Variants in ZFYVE9 observed in about 807,000 individuals in gnomAD.
ZFYVE9 encodes the protein zinc finger FYVE domain-containing protein 9.
ZFYVE9 carries 43 observed loss-of-function variants against 126.7 expected under a neutral mutation model. The ratio of observed to expected loss-of-function variants is 0.34; its 90% confidence interval spans 0.27 to 0.44. The LOEUF is 0.44. ZFYVE9 is among the 20% of genes least tolerant of loss of function. The probability of loss-of-function intolerance (pLI) is 1.00; values close to 1 mark genes in which losing one functional copy is unlikely to be tolerated. For synonymous variants in ZFYVE9, 521 were observed against 597.4 expected, an observed-to-expected ratio of 0.87 and a Z score of 1.87; for missense variants, 1,476 against 1,697.0, an observed-to-expected ratio of 0.87 and a Z score of 2.29.
chr1:52,233,666 A>G (rs1645245046), intron 3 of ZFYVE9, among the ~76,000 whole-genome samples: 2 of 152,258 alleles, frequency 1.3e-5, no homozygotes, highest in Non-Finnish European at 2.9e-5. Context: ...AGCTCGTTCT[A>G]TATTGATTGC....
intron 1 of ZFYVE9, among the ~76,000 whole-genome samples, chr1:52,214,003 C>T (rs960867980): frequency 3.3e-5 from 5 of 152,028 alleles, no homozygotes; most frequent in Non-Finnish European, 5.9e-5. Context: ...GTAACTTTCC[C>T]CTTCATCCTG....
chr1:52,301,717 G>T (rs925737194), intron 12 of ZFYVE9, among the ~76,000 whole-genome samples: 71 of 152,254 alleles, frequency 4.7e-4, no homozygotes, highest in African/African-American at 1.7e-3. Flanking sequence ...TGAGCTTTTT[G>T]AATCTATGGG....
Position 52,266,781 on chromosome 1 carries a change from C to T in ZFYVE9, c.2405C>T (p.Pro802Leu). The change falls in exon 6 of 19, where the codon CCT becomes CTT. Residue 802 changes from proline (P) to leucine (L), a missense_variant. Physicochemically the swap from Pro to Leu is moderately conservative, Grantham distance 98. Around this residue, in one of 2 missense-constraint regions of ZFYVE9, gnomAD observed 669 missense variants for 902.4 expected, o/e 0.74. Transcript: ENST00000287727. ...GCCTCAGGAGCTCTGAGCTCTCCAC[C>T]TCCCACTGTGATGGTACCTGTGGGA... ...AQASGALSSP[P>L]PTVMVPVGVL... 1 of 1,611,242 alleles carries T rather than the reference C, an allele frequency of 6.2e-7. No homozygotes were observed.
intron 13 of ZFYVE9, among the ~76,000 whole-genome samples, chr1:52,322,807 CT>C (rs1204659590): frequency 1.3e-5 from 2 of 150,832 alleles, no homozygotes; most frequent in Non-Finnish European, 3.0e-5. Flanking sequence ...TCTGTGATCT[CT>C]TTTTTTCTTT....
At chr1:52,309,994 T>C (rs920420235) in intron 13 of ZFYVE9, among the ~76,000 whole-genome samples, 5 of 152,158 alleles carry the variant, frequency 3.3e-5, no homozygotes, top group African/African-American at 1.2e-4. Flanking sequence ...GACAGAGTCT[T>C]GCTCTCGCTC....
intron 13 of ZFYVE9, among the ~76,000 whole-genome samples, chr1:52,330,175 C>T (rs189802418): frequency 3.9e-4 from 60 of 152,282 alleles, no homozygotes; most frequent in Admixed American, 2.2e-3. Flanking sequence ...GTCGGGAGTT[C>T]GAGACCAGCC....
intron 7 of ZFYVE9, 36 bp downstream of exon 7, chr1:52,268,668 T>A: frequency 6.2e-7 from 1 of 1,602,858 alleles, no homozygotes; most frequent in African/African-American, 1.3e-5. Flanking sequence ...ATTGCATAGC[T>A]ACTTTACTCA....
chr1:52,308,639 C>G (rs1304528504), intron 13 of ZFYVE9, among the ~76,000 whole-genome samples: 1 of 152,054 alleles, frequency 6.6e-6, no homozygotes, highest in Non-Finnish European at 1.5e-5. Flanking sequence ...TTCATACTTC[C>G]CCTACTCTTC....
chr1:52,281,961 T>G lies in ZFYVE9; in HGVS notation c.3025+145T>G, dbSNP rs1645809757. The G allele has an allele frequency of 3.5e-6, 3 of 864,950 alleles. No homozygotes were observed. In the South Asian group the frequency reaches 4.8e-5, roughly 14 times the overall value. 53.6% of individuals were successfully genotyped at this position (864,950 alleles called of 1,614,324 possible). A position where few individuals can be genotyped will look rare whatever the true frequency, so the allele number is the denominator to read the frequency against. ...TGGCAAGTTGAAGCTTTCCATGGTT[T>G]GAAGAAATTATAAATTTTAGTATTG... is the stretch of plus-strand genomic sequence containing the variant. On this transcript the variant is annotated intron_variant, in intron 10 of 18. Coordinates refer to ENST00000287727, the MANE Select transcript of ZFYVE9 (RefSeq NM_004799.4).
At chr1:52,258,037 A>G (rs1645539689) in intron 4 of ZFYVE9, among the ~76,000 whole-genome samples, 1 of 152,190 alleles carries the variant, frequency 6.6e-6, no homozygotes, top group Non-Finnish European at 1.5e-5. Context: ...CCAGTCATAC[A>G]TTTATTTATG....
intron 4 of ZFYVE9, among the ~76,000 whole-genome samples, chr1:52,255,957 T>C (rs1177591305): frequency 2.1e-4 from 21 of 101,436 alleles, no homozygotes; most frequent in Admixed American, 1.5e-3. Flanking sequence ...TCTTTTCTTT[T>C]CTTTTCTTTT....
At chr1:52,208,901 G>C (rs1292319782) in intron 1 of ZFYVE9, among the ~76,000 whole-genome samples, 1 of 152,122 alleles carries the variant, frequency 6.6e-6, no homozygotes, top group Non-Finnish European at 1.5e-5. Context: ...AAGTTTTAGT[G>C]GTCCCAGTAC....
At chr1:52,310,479 G>A (rs1431279243) in intron 13 of ZFYVE9, among the ~76,000 whole-genome samples, 3 of 152,028 alleles carry the variant, frequency 2.0e-5, no homozygotes, top group Non-Finnish European at 4.4e-5. Flanking sequence ...TGAGGTGGGA[G>A]GATCACTTGA....
In ZFYVE9 at chr1:52,272,962, G is replaced by A. The variant is rs12044845; in HGVS notation, c.2626-1502G>A. Among the ~76,000 whole-genome samples the A allele has an allele frequency of 5.0e-3, 728 of 146,034 alleles. 27 individuals are homozygous for A. In the East Asian group the frequency reaches 0.098, roughly 20 times the overall value. On this transcript the variant is annotated intron_variant, in intron 7 of 18. Coordinates refer to ENST00000287727, the MANE Select transcript of ZFYVE9 (RefSeq NM_004799.4). The stretch of plus-strand genomic sequence containing the variant: ...CGGGCGTGAGCCACTGTACCCGGCC[G>A]TATGAATATTGTTATACATGTTAAA...
intron 1 of ZFYVE9, among the ~76,000 whole-genome samples, chr1:52,196,193 C>T (rs940119810): frequency 2.0e-5 from 3 of 152,148 alleles, no homozygotes; most frequent in African/African-American, 7.2e-5. Context: ...GTAAATCTTA[C>T]CATATGCCAT....
chr1:52,192,055 AC>A (rs1644821011), intron 1 of ZFYVE9, among the ~76,000 whole-genome samples: 2 of 151,114 alleles, frequency 1.3e-5, no homozygotes, highest in South Asian at 4.2e-4. Flanking sequence ...TAGAACAAGC[AC>A]CTGAAACACA....
At position 52,238,571 on chromosome 1, in the gene ZFYVE9, A is replaced by C; in HGVS notation, c.1154A>C (p.Glu385Ala). 6.2e-7 allele frequency: 1 copy of C among 1,614,108 alleles called. No individual in the cohort carries two copies. Reference sequence around the variant, plus strand: ...CATGAAGAAACTCTTGGCACTACAGAATTCCTTAATATGACAGAGCATTTC... The same window carrying C: ...CATGAAGAAACTCTTGGCACTACAGCATTCCTTAATATGACAGAGCATTTC... ...YEHEETLGTT[E>A]FLNMTEHFSE... Residue 385 changes from glutamate to alanine, a missense_variant, in exon 4 of 19, where the codon GAA (glutamate) becomes GCA (alanine). Physicochemically the swap from Glu to Ala is moderately radical, Grantham distance 107. Transcript: ENST00000287727.
At chr1:52,197,426 A>T (rs1337964616) in intron 1 of ZFYVE9, among the ~76,000 whole-genome samples, 1 of 152,168 alleles carries the variant, frequency 6.6e-6, no homozygotes, top group Non-Finnish European at 1.5e-5. Context: ...CACTCTTTTA[A>T]ATTGGAATTT....
intron 2 of ZFYVE9, among the ~76,000 whole-genome samples, chr1:52,228,240 A>C (rs1205008419): frequency 6.6e-6 from 1 of 152,056 alleles, no homozygotes; most frequent in Non-Finnish European, 1.5e-5. Flanking sequence ...CACCACACCC[A>C]GCGAATTTTT....
Sources: allele counts gnomAD v4.1 joint callset (sites outside exome capture counted in the v4.1 genomes callset), GRCh38; gene constraint gnomAD v4.1.1; regional missense constraint gnomAD v4.1.1; transcripts MANE v1.5; gene names NCBI Gene and HGNC (gene_info 2026-07-23, HGNC 2026-07-21).